The following PNKD variants were observed in gnomAD, a reference collection of about 807,000 sequenced individuals.
PNKD encodes probable thioesterase PNKD.
PNKD carries 36 observed loss-of-function variants against 45.3 expected under a neutral mutation model. That is an observed-to-expected ratio of 0.80 (90% CI 0.61 to 1.05). The LOEUF (loss-of-function observed/expected upper bound fraction) is 1.05, where lower values mean the gene tolerates loss of function less well. PNKD is among the 50% of genes least tolerant of loss of function. The pLI is 0.00. For missense variants in PNKD, 511 were observed against 506.6 expected, an observed-to-expected ratio of 1.01 and a Z score of -0.08; for synonymous variants, 197 against 210.1, an observed-to-expected ratio of 0.94 and a Z score of 0.54.
intron 2 of PNKD, among the ~76,000 whole-genome samples, chr2:218,302,797 A>C (rs1693303355): frequency 1.3e-5 from 2 of 152,236 alleles, no homozygotes; most frequent in South Asian, 4.1e-4. Flanking sequence ...GGCCCAAGGT[A>C]GTCAGGGCGG....
At chr2:218,342,994 C>T (rs947955933) in intron 7 of PNKD, among the ~76,000 whole-genome samples, 2 of 152,198 alleles carry the variant, frequency 1.3e-5, no homozygotes, top group African/African-American at 2.4e-5. Context: ...CTGCCAGCTG[C>T]GGGACAGAAT....
chr2:218,285,639 T>A (rs1210718055), intron 2 of PNKD: 1 of 152,258 alleles, frequency 6.6e-6, no homozygotes, highest in African/African-American at 2.4e-5. Context: ...CTGTCCTTGG[T>A]TACCGAGCTG....
intron 2 of PNKD, among the ~76,000 whole-genome samples, chr2:218,296,206 T>G (rs888638761): frequency 6.6e-6 from 1 of 152,208 alleles, no homozygotes; most frequent in Non-Finnish European, 1.5e-5. Context: ...TGGAAATACT[T>G]GTACTAAAAA....
intron 2 of PNKD, among the ~76,000 whole-genome samples, chr2:218,309,890 G>A (rs1242292033): frequency 6.6e-6 from 1 of 151,386 alleles, no homozygotes; most frequent in African/African-American, 2.4e-5. Flanking sequence ...AGCCGAGATC[G>A]CGACATTGCA....
At chr2:218,305,467 C>T (rs2106255143) in intron 2 of PNKD, among the ~76,000 whole-genome samples, 1 of 152,178 alleles carries the variant, frequency 6.6e-6, no homozygotes, top group Admixed American at 6.5e-5. Context: ...CGTCTTGCCT[C>T]AGCCACTCAA....
rs1052184829 is a variant in PNKD, at chr2:218,346,663, C to T, written c.*1682C>T. Reference sequence around the variant, plus strand: ...TTTTACTTGTTTACATGTTTGTCTCCCCTTCTAGACTGTGAATCCTTAAGG... The same window carrying T: ...TTTTACTTGTTTACATGTTTGTCTCTCCTTCTAGACTGTGAATCCTTAAGG... On this transcript the variant is annotated 3_prime_UTR_variant, in exon 10 of 10. Coordinates refer to ENST00000273077, the MANE Select transcript of PNKD (RefSeq NM_015488.5). The T allele has an allele frequency of 6.5e-6, 1 of 153,972 alleles. No homozygotes were observed. The highest frequency in any genetic ancestry group is 2.4e-5 in the African/African-American group (1 of 41,456). The allele number at this position is 153,972 out of a possible 1,614,324, so 9.5% of individuals were successfully genotyped here. A position where few individuals can be genotyped will look rare whatever the true frequency, so the allele number is the denominator to read the frequency against.
At chr2:218,274,789 G>A (rs1271567201) in intron 2 of PNKD, 1 of 154,586 alleles carries the variant, frequency 6.5e-6, no homozygotes, top group Non-Finnish European at 1.5e-5. Context: ...TCACAAGCCA[G>A]GAGCAAGCCC....
rs1019224769 is a variant in PNKD, at chr2:218,326,828, T to G, written c.237-12955T>G. The G allele has an allele frequency of 2.6e-5, 4 of 152,214 alleles. No individual in the cohort carries two copies. The highest frequency in any genetic ancestry group is 5.9e-5 in the Non-Finnish European group (4 of 68,120). The allele number at this position is 152,214 out of a possible 1,614,324, so 9.4% of individuals were successfully genotyped here. The stretch of plus-strand genomic sequence containing the variant: ...TGTGGGGTCCCAGATATGAACAGGT[T>G]CTGATCGCTGTTCTGCAGGGAAGGG... On this transcript the variant is annotated intron_variant, in intron 2 of 9. Transcript: ENST00000273077. This position sits in a 1 kb window ranked among gnomAD's most constrained non-coding sequence, Gnocchi z 4.1.
intron 2 of PNKD, among the ~76,000 whole-genome samples, chr2:218,283,051 A>G (rs9917343): frequency 1.4e-3 from 220 of 152,220 alleles, no homozygotes; most frequent in African/African-American, 5.1e-3. Flanking sequence ...GCTCTCTGTG[A>G]GTTCTACCTG....
Position 218,270,620 on chromosome 2 carries a change from G to C in PNKD, c.67+18G>C, listed in dbSNP as rs1311273354. On this transcript the variant is annotated intron_variant, in intron 1 of 9. Coordinates refer to ENST00000273077, the MANE Select transcript of PNKD (RefSeq NM_015488.5). ...CCTCCGGGGTAAGGAGAGGGACCCC[G>C]GGGAGGGCAGGACTGCAGAAGATCC... The C allele has an allele frequency of 3.7e-6, 3 of 802,310 alleles. No individual in the cohort carries two copies. Among genetic ancestry groups the C allele is most frequent in the Middle Eastern group, 2.5e-4 (1 of 4,042 alleles). The allele number at this position is 802,310 out of a possible 1,614,324, so 49.7% of individuals were successfully genotyped here.
chr2:218,310,201 C>T (rs923240770), intron 2 of PNKD, among the ~76,000 whole-genome samples: 4 of 151,900 alleles, frequency 2.6e-5, no homozygotes, highest in Admixed American at 6.6e-5. Context: ...TCAAGTGCCA[C>T]ATGACAATGT....
intron 2 of PNKD, chr2:218,277,651 A>G (rs753106184): frequency 3.1e-6 from 5 of 1,614,246 alleles, no homozygotes; most frequent in Non-Finnish European, 3.4e-6. Flanking sequence ...GGTGCCCGTC[A>G]TGAAGCCCAT....
intron 7 of PNKD, among the ~76,000 whole-genome samples, 172 bp from the exon 8 acceptor site, chr2:218,343,328 G>A (rs760113712): frequency 1.2e-4 from 19 of 152,206 alleles, no homozygotes; most frequent in Non-Finnish European, 2.2e-4. Flanking sequence ...GACCAGTTGG[G>A]CCCAGTTCCC....
chr2:218,319,658 G>A (rs1693931817), intron 2 of PNKD, among the ~76,000 whole-genome samples: 1 of 152,342 alleles, frequency 6.6e-6, no homozygotes, highest in Admixed American at 6.5e-5. Context: ...ACAGGCGTGA[G>A]CCATCGCGCT....
intron 2 of PNKD, among the ~76,000 whole-genome samples, chr2:218,272,047 A>G (rs932160271): frequency 6.6e-6 from 1 of 152,214 alleles, no homozygotes; most frequent in South Asian, 2.1e-4. Context: ...TGAGATAAGT[A>G]TTACATCCCC....
chr2:218,337,198 C>G (rs1319447473), intron 2 of PNKD, among the ~76,000 whole-genome samples: 1 of 149,122 alleles, frequency 6.7e-6, no homozygotes, highest in Admixed American at 6.7e-5. Context: ...CCTCAGCCTC[C>G]CAAGTAGCTA....
intron 7 of PNKD, among the ~76,000 whole-genome samples, chr2:218,343,288 G>A (rs900593791): frequency 6.6e-6 from 1 of 152,188 alleles, no homozygotes; most frequent in Non-Finnish European, 1.5e-5. Context: ...TGTGTGCAAC[G>A]GAGGCCTCGG....
intron 2 of PNKD, among the ~76,000 whole-genome samples, chr2:218,273,220 C>T (rs1690922778): frequency 6.6e-6 from 1 of 152,210 alleles, no homozygotes; most frequent in Admixed American, 6.5e-5. Context: ...CTGCTCTTTA[C>T]TGAGTCCAAA....
At chr2:218,306,054 G>A (rs1056714124) in intron 2 of PNKD, among the ~76,000 whole-genome samples, 9 of 152,118 alleles carry the variant, frequency 5.9e-5, no homozygotes, top group Non-Finnish European at 1.0e-4. Flanking sequence ...GGTATCTTGA[G>A]GAAGCTGCCT....
Sources: allele counts gnomAD v4.1 joint callset (sites outside exome capture counted in the v4.1 genomes callset), GRCh38; gene constraint gnomAD v4.1.1; non-coding constraint Gnocchi (gnomAD v3.1); transcripts MANE v1.5; gene names NCBI Gene and HGNC (gene_info 2026-07-23, HGNC 2026-07-21).